BICC1: variants seen among roughly 807,000 people sequenced by gnomAD.
BICC1 encodes BicC family RNA binding protein 1.
Under a neutral mutation model 111.0 loss-of-function variants are expected in BICC1, and 43 were observed. That is an observed-to-expected ratio of 0.39 (90% confidence interval 0.30 to 0.50). BICC1 has a LOEUF of 0.50. BICC1 is among the 20% of genes least tolerant of loss of function. The pLI is 0.88. For missense variants in BICC1, 1,091 were observed against 1,203.2 expected (o/e 0.91, Z 1.38); for synonymous variants, 467 against 434.4 (o/e 1.07, Z -0.93).
In BICC1 at chr10:58,666,917, T is replaced by A. The variant is rs186856169; in HGVS notation, c.238-35157T>A. Among the ~76,000 whole-genome samples, 1,234 of 152,252 alleles carry A rather than the reference T, an allele frequency of 8.1e-3. 22 individuals are homozygous for A. Among genetic ancestry groups the A allele is most frequent in the African/African-American group, 0.028 (1,179 of 41,564 alleles). ...CAACTTTAAATAAGATACTAAAAAA[T>A]TTCAGCTATTTGCTCCTATTTAACT... On this transcript the variant is annotated intron_variant, in intron 2 of 20. Coordinates refer to ENST00000373886, the MANE Select transcript of BICC1 (RefSeq NM_001080512.3).
intron 3 of BICC1, among the ~76,000 whole-genome samples, chr10:58,778,247 A>G (rs1039300117): frequency 1.3e-5 from 2 of 152,248 alleles, no homozygotes; most frequent in African/African-American, 4.8e-5. Context: ...TAATTTAATA[A>G]GATACATAAA....
chr10:58,604,170 T>C (rs1327228619), intron 1 of BICC1, among the ~76,000 whole-genome samples: 3 of 152,156 alleles, frequency 2.0e-5, no homozygotes, highest in Non-Finnish European at 4.4e-5. Flanking sequence ...CACTTAATTA[T>C]CCTCTGATAG....
intron 2 of BICC1, among the ~76,000 whole-genome samples, chr10:58,622,940 G>A (rs983686189): frequency 2.0e-5 from 3 of 152,224 alleles, no homozygotes; most frequent in Admixed American, 2.0e-4. Flanking sequence ...AAGGATCTAG[G>A]CTTGTGATTG....
intron 20 of BICC1, chr10:58,823,686 CT>C (rs1168200787): frequency 4.1e-6 from 4 of 974,118 alleles, no homozygotes; most frequent in Non-Finnish European, 4.8e-6. Context: ...CCTTTTTTTT[CT>C]TTGCTGTAAA....
intron 3 of BICC1, among the ~76,000 whole-genome samples, chr10:58,739,548 T>TG: frequency 6.6e-6 from 1 of 151,820 alleles, no homozygotes; most frequent in South Asian, 2.1e-4. Flanking sequence ...TTTAATTTTT[T>TG]TTTTACTTTC....
At chr10:58,544,278 A>T (rs1353991603) in intron 1 of BICC1, among the ~76,000 whole-genome samples, 1 of 152,172 alleles carries the variant, frequency 6.6e-6, no homozygotes, top group Non-Finnish European at 1.5e-5. Context: ...AAATAAATAT[A>T]CAAAATGGAT....
intron 2 of BICC1, among the ~76,000 whole-genome samples, chr10:58,668,246 A>AGTAGT (rs1839076924): frequency 6.6e-6 from 1 of 152,092 alleles, no homozygotes; most frequent in African/African-American, 2.4e-5. Context: ...AGGTGCACCA[A>AGTAGT]TTTATACAAA....
intron 18 of BICC1, among the ~76,000 whole-genome samples, chr10:58,815,711 A>T (rs552277710): frequency 1.8e-4 from 27 of 152,282 alleles, no homozygotes; most frequent in African/African-American, 6.3e-4. Context: ...AAAAAAAAAA[A>T]TTTAAGTAAA....
chr10:58,586,732 C>A (rs930041151), intron 1 of BICC1, among the ~76,000 whole-genome samples: 3 of 151,956 alleles, frequency 2.0e-5, no homozygotes, highest in South Asian at 2.1e-4. Context: ...CATATACATG[C>A]AAATGAATAT....
chr10:58,561,835 A>G (rs1469493430), intron 1 of BICC1, among the ~76,000 whole-genome samples: 1 of 152,084 alleles, frequency 6.6e-6, no homozygotes, highest in Non-Finnish European at 1.5e-5. Context: ...GGATTTCTTC[A>G]GTTTTTACTT....
chr10:58,608,789 T>C (rs1845318969), intron 1 of BICC1, among the ~76,000 whole-genome samples: 1 of 152,230 alleles, frequency 6.6e-6, no homozygotes, highest in Admixed American at 6.5e-5. Context: ...CCTAGACTTT[T>C]CTGGTTCCAT....
intron 2 of BICC1, among the ~76,000 whole-genome samples, chr10:58,647,645 A>G (rs1838309824): frequency 6.6e-6 from 1 of 152,204 alleles, no homozygotes; most frequent in South Asian, 2.1e-4. Flanking sequence ...ACATTGAAAT[A>G]TAAGACTTTT....
chr10:58,516,131 G>A (rs1040674207), intron 1 of BICC1, among the ~76,000 whole-genome samples: 1 of 152,080 alleles, frequency 6.6e-6, no homozygotes, highest in Non-Finnish European at 1.5e-5. Flanking sequence ...TTGTGAATTT[G>A]GGTGTGCTAT....
chr10:58,617,752 T>C (rs997511577), intron 1 of BICC1, among the ~76,000 whole-genome samples: 6 of 152,216 alleles, frequency 3.9e-5, no homozygotes, highest in Non-Finnish European at 2.9e-5. Flanking sequence ...GTAACAGAAG[T>C]GGCCAGTTGG....
At chr10:58,599,105 A>G (rs1844936193) in intron 1 of BICC1, among the ~76,000 whole-genome samples, 1 of 152,212 alleles carries the variant, frequency 6.6e-6, no homozygotes, top group Non-Finnish European at 1.5e-5. Context: ...TTCCTCAAGG[A>G]TATAGAACCA....
intron 2 of BICC1, among the ~76,000 whole-genome samples, chr10:58,689,321 C>A (rs1026400257): frequency 1.3e-5 from 2 of 152,144 alleles, no homozygotes; most frequent in African/African-American, 4.8e-5. Context: ...TCCATGAGAC[C>A]TCTTCTCCCT....
chr10:58,676,683 C>T (rs763055435), intron 2 of BICC1, among the ~76,000 whole-genome samples: 5 of 152,188 alleles, frequency 3.3e-5, no homozygotes, highest in South Asian at 2.1e-4. Flanking sequence ...CCCAGCACAG[C>T]GTTCAAGCTC....
chr10:58,583,692 C>T (rs1844350823), intron 1 of BICC1, among the ~76,000 whole-genome samples: 1 of 149,164 alleles, frequency 6.7e-6, no homozygotes, highest in Admixed American at 6.7e-5. Flanking sequence ...GAGCTGATTC[C>T]ATATTTTTGT....
chr10:58,546,087 T>C lies in BICC1; in HGVS notation c.190+32754T>C, dbSNP rs532666418. On this transcript the variant is annotated intron_variant, in intron 1 of 20. Coordinates refer to ENST00000373886, the MANE Select transcript of BICC1 (RefSeq NM_001080512.3). The stretch of plus-strand genomic sequence containing the variant: ...GGGCATTTTTAGTGTGGCTGTTCAT[T>C]ATTACCTGGATAATTCAGAGTACTT... Among the ~76,000 whole-genome samples, 4 of 152,204 alleles carry C rather than the reference T, an allele frequency of 2.6e-5. No individual in the cohort carries two copies. The East Asian group carries it at 7.7e-4, about 29-fold the overall frequency.
Sources: gnomAD v4.1 joint callset for allele counts (sites outside exome capture counted in the v4.1 genomes callset) on GRCh38, gnomAD v4.1.1 for gene constraint, MANE v1.5 for transcripts, NCBI Gene and HGNC (gene_info 2026-07-23, HGNC 2026-07-21) for gene names.